The following NUP98 variants were observed in gnomAD, a reference collection of about 807,000 sequenced individuals.
NUP98 encodes nuclear pore complex protein Nup98-Nup96.
In NUP98, 26 loss-of-function variants were observed where a neutral mutation model predicts 191.9. That is an observed-to-expected ratio of 0.14 (90% CI 0.10 to 0.19). NUP98 has a LOEUF of 0.19. Among genes scored for constraint, NUP98 ranks in the 10% least tolerant of loss-of-function variants. NUP98 has a pLI of 1.00. For missense variants in NUP98, 1,941 were observed against 2,178.8 expected (o/e 0.89, Z 2.17); for synonymous variants, 808 against 778.4 (o/e 1.04, Z -0.63).
intron 2 of NUP98, among the ~76,000 whole-genome samples, chr11:3,779,926 A>C (rs1415892464): frequency 1.3e-5 from 2 of 151,774 alleles, no homozygotes; most frequent in Non-Finnish European, 2.9e-5. Flanking sequence ...TCAGGAGTTC[A>C]AGACCAGCCT....
intron 2 of NUP98, among the ~76,000 whole-genome samples, chr11:3,780,126 T>C (rs961438753): frequency 1.3e-5 from 2 of 152,128 alleles, no homozygotes; most frequent in East Asian, 1.9e-4. Context: ...GAGATACATA[T>C]TTTGAATAAA....
At chr11:3,793,896 G>A (rs936423971) in intron 1 of NUP98, among the ~76,000 whole-genome samples, 1 of 152,080 alleles carries the variant, frequency 6.6e-6, no homozygotes, top group Admixed American at 6.6e-5. Flanking sequence ...TTGAACCCAC[G>A]AGGCGGAGGT....
chr11:3,717,833 T>C (rs1400917757), intron 18 of NUP98, among the ~76,000 whole-genome samples: 3 of 152,082 alleles, frequency 2.0e-5, no homozygotes, highest in Non-Finnish European at 4.4e-5. Context: ...TGTATTATGA[T>C]GATGATGATG....
chr11:3,681,298 C>T (rs750239852), intron 30 of NUP98, among the ~76,000 whole-genome samples: 1 of 152,206 alleles, frequency 6.6e-6, no homozygotes, highest in Non-Finnish European at 1.5e-5. Flanking sequence ...GCTTTGGCCT[C>T]CCAAAGTACT....
At position 3,731,526 on chromosome 11, in the gene NUP98, T is replaced by C; in HGVS notation, c.1595A>G (p.His532Arg). The C allele has an allele frequency of 5.0e-6, 8 of 1,606,896 alleles. No individual in the cohort carries two copies. The highest frequency in any genetic ancestry group is 2.2e-5 in the East Asian group (1 of 44,648). The change falls in exon 14 of 33, where the codon CAT becomes CGT. Residue 532 changes from histidine to arginine, a missense_variant. Physicochemically the swap from His to Arg is conservative, Grantham distance 29. This residue lies in a region of NUP98 where 453 missense variants were observed against 438.2 expected (regional missense o/e 1.03). Transcript: ENST00000324932. ...GGCAGGGCGGGGTGTCAGTTTATAA[T>C]GAGTAGGTGTAGTAAGAGCCTTCTG... Reference protein sequence around the residue: ...AAQKALTTPTHYKLTPRPATR... With the variant: ...AAQKALTTPTRYKLTPRPATR...
chr11:3,757,077 G>C (rs2080984776), intron 10 of NUP98, among the ~76,000 whole-genome samples: 1 of 149,636 alleles, frequency 6.7e-6, no homozygotes, highest in African/African-American at 2.4e-5. Flanking sequence ...GACAGAGCGA[G>C]ACTCCATCTC....
At position 3,691,509 on chromosome 11, in the gene NUP98, A is replaced by G. The variant is rs765657993; in HGVS notation, c.4312-20T>C. On this transcript the variant is annotated intron_variant, in intron 27 of 32. Transcript: ENST00000324932. ...GGTATTCTGAAGGAATAATTTGATAAAACAATACATTAGCTCCTAATCAGT... is the reference window on the plus strand; with the variant it reads ...GGTATTCTGAAGGAATAATTTGATAGAACAATACATTAGCTCCTAATCAGT... 3 of 1,613,200 alleles carry G rather than the reference A, an allele frequency of 1.9e-6. No individual in the cohort carries two copies. Among genetic ancestry groups the G allele is most frequent in the Non-Finnish European group, 2.5e-6 (3 of 1,179,276 alleles).
chr11:3,750,047 T>A (rs1252126530), intron 11 of NUP98, among the ~76,000 whole-genome samples: 6 of 152,220 alleles, frequency 3.9e-5, no homozygotes, highest in Non-Finnish European at 8.8e-5. Flanking sequence ...TTTGCCAACA[T>A]CATCAAATAA....
chr11:3,752,708 A>G (rs748213842), intron 11 of NUP98, among the ~76,000 whole-genome samples: 2 of 152,162 alleles, frequency 1.3e-5, no homozygotes, highest in Non-Finnish European at 2.9e-5. Context: ...ATGTTTAACT[A>G]AACAACCTAG....
chr11:3,760,740 A>G, intron 9 of NUP98, 114 bp from the exon 10 acceptor site: 1 of 690,046 alleles, frequency 1.4e-6, no homozygotes, highest in East Asian at 2.7e-5. Flanking sequence ...AAGATGTCCT[A>G]ACATTCATAA....
intron 13 of NUP98, among the ~76,000 whole-genome samples, chr11:3,731,835 T>C (rs181936718): frequency 2.2e-4 from 33 of 152,320 alleles, no homozygotes; most frequent in Non-Finnish European, 3.4e-4. Flanking sequence ...TACTTACCAG[T>C]TGAGTATCCC....
intron 28 of NUP98, among the ~76,000 whole-genome samples, chr11:3,688,841 A>ATATATATATATATATT (rs1554886590): frequency 2.9e-5 from 4 of 137,560 alleles, no homozygotes; most frequent in Admixed American, 7.4e-5. Context: ...ATATATATAT[A>ATATATATATATATATT]TTTATAAGAA....
chr11:3,770,888 G>A (rs559175614), intron 7 of NUP98, among the ~76,000 whole-genome samples: 3 of 152,116 alleles, frequency 2.0e-5, no homozygotes, highest in African/African-American at 7.2e-5. Flanking sequence ...ATTTAGAGAT[G>A]GAGTCTTGCT....
At chr11:3,737,575 C>A (rs2080115883) in intron 12 of NUP98, among the ~76,000 whole-genome samples, 1 of 152,080 alleles carries the variant, frequency 6.6e-6, no homozygotes, top group Admixed American at 6.6e-5. Context: ...GGCAGTGAGC[C>A]AAGGTCGTGC....
chr11:3,713,577 G>C (rs1011799959), intron 19 of NUP98, among the ~76,000 whole-genome samples: 27 of 152,124 alleles, frequency 1.8e-4, no homozygotes, highest in African/African-American at 6.3e-4. Flanking sequence ...AAAGTAGCCA[G>C]GCATGGTAGT....
Position 3,700,819 on chromosome 11 carries a change from T to A in NUP98, c.3533A>T (p.Lys1178Ile). The A allele has an allele frequency of 1.2e-6, 2 of 1,613,732 alleles. No homozygotes were observed. Among genetic ancestry groups the A allele is most frequent in the Non-Finnish European group, 8.5e-7 (1 of 1,179,770 alleles). ...AVKPLTESPFKVHLEKLSLRQ... is the reference protein window; with the variant it reads ...AVKPLTESPFIVHLEKLSLRQ... Reference sequence around the variant, plus strand: ...CAAACTGAGTTTTTCTAAGTGAACTTTGAATGGGGACTCAGTTAGGCTACA... The same window carrying A: ...CAAACTGAGTTTTTCTAAGTGAACTATGAATGGGGACTCAGTTAGGCTACA... The change falls in exon 24 of 33, where the codon AAA becomes ATA. Residue 1178 changes from lysine (K) to isoleucine (I), a missense_variant. Physicochemically the swap from Lys to Ile is moderately radical, Grantham distance 102. Around this residue, in one of 6 missense-constraint regions of NUP98, gnomAD observed 1,030 missense variants for 1,115.8 expected, o/e 0.92. Transcript: ENST00000324932.
chr11:3,780,715 T>G (rs552653823), intron 2 of NUP98, among the ~76,000 whole-genome samples: 9 of 151,988 alleles, frequency 5.9e-5, no homozygotes, highest in Non-Finnish European at 1.0e-4. Context: ...GTGGGAGAAC[T>G]GCTTGAGCTC....
At chr11:3,690,450 C>A (rs1333565539) in intron 28 of NUP98, among the ~76,000 whole-genome samples, 1 of 151,764 alleles carries the variant, frequency 6.6e-6, no homozygotes, top group East Asian at 1.9e-4. Flanking sequence ...TTAGTAGAGA[C>A]AGGGTTTCAC....
In NUP98 at chr11:3,697,692, T is replaced by C. The variant is rs539699257; in HGVS notation, c.4009+1390A>G. 3.9e-5 allele frequency among the ~76,000 whole-genome samples: 6 copies of C among 152,078 alleles called. 1 individual carries two copies. The South Asian group carries it at 1.2e-3, about 32-fold the overall frequency. ...CTAGCTGGGCATGGTGGCAGGCACCTGTAATCCCAGCTACTCAGGAGGCTG... is the reference window on the plus strand; with the variant it reads ...CTAGCTGGGCATGGTGGCAGGCACCCGTAATCCCAGCTACTCAGGAGGCTG... On this transcript the variant is annotated intron_variant, in intron 25 of 32. Transcript: ENST00000324932.
Sources: gnomAD v4.1 joint callset for allele counts (sites outside exome capture counted in the v4.1 genomes callset) on GRCh38, gnomAD v4.1.1 for gene constraint, gnomAD v4.1.1 regional missense constraint, MANE v1.5 for transcripts, NCBI Gene and HGNC (gene_info 2026-07-23, HGNC 2026-07-21) for gene names.